Variants in NEK1 observed in about 807,000 individuals in gnomAD.
NEK1 encodes serine/threonine-protein kinase Nek1.
NEK1 carries 137 observed loss-of-function variants against 182.1 expected under a neutral mutation model. The ratio of observed to expected loss-of-function variants is 0.75; its 90% CI spans 0.65 to 0.87. The LOEUF (loss-of-function observed/expected upper bound fraction) is 0.87. NEK1 is among the 40% of genes least tolerant of loss of function. The pLI is 0.00. For synonymous variants in NEK1, 513 were observed against 492.2 expected (o/e 1.04, Z -0.56); for missense variants, 1,391 against 1,494.4 (o/e 0.93, Z 1.14).
chr4:169,543,809 T>C (rs1759887344), intron 18 of NEK1, among the ~76,000 whole-genome samples: 1 of 152,248 alleles, frequency 6.6e-6, no homozygotes, highest in Admixed American at 6.5e-5. Context: ...ATAGGGATGC[T>C]TGTGATTTTT....
intron 23 of NEK1, among the ~76,000 whole-genome samples, chr4:169,484,663 G>A (rs1580096332): frequency 6.6e-6 from 1 of 152,212 alleles, no homozygotes; most frequent in Admixed American, 6.5e-5. Flanking sequence ...GGGCACCAGT[G>A]AGAACAGCCT....
rs753881487 is a variant in NEK1 at position 169,610,321 on chromosome 4, TC to T, written c.-49+1698del. ...CTGACCCAGAATTTCTTTCTTTTTT[TC>T]TTTTTTCTTTGAGACAAGCCTCACT... On this transcript the variant is annotated intron_variant, in intron 2 of 35. Transcript: ENST00000507142. 1.3e-3 allele frequency among the ~76,000 whole-genome samples: 203 copies of T among 150,500 alleles called. 2 individuals are homozygous for T. The highest frequency in any genetic ancestry group is 4.3e-3 in the African/African-American group (175 of 40,410).
chr4:169,434,843 A>G (rs1738106024), intron 28 of NEK1, among the ~76,000 whole-genome samples: 1 of 152,184 alleles, frequency 6.6e-6, no homozygotes, highest in East Asian at 1.9e-4. Context: ...ACTTGGGGGC[A>G]AAATCCTTTT....
chr4:169,486,928 T>G (rs552688605), intron 23 of NEK1, among the ~76,000 whole-genome samples: 4 of 152,172 alleles, frequency 2.6e-5, no homozygotes, highest in Non-Finnish European at 5.9e-5. Context: ...TTTAAAAAAC[T>G]GAATCGATCT....
At chr4:169,395,783 C>T (rs561799406) in intron 35 of NEK1, among the ~76,000 whole-genome samples, 2 of 152,248 alleles carry the variant, frequency 1.3e-5, no homozygotes, top group Non-Finnish European at 2.9e-5. Flanking sequence ...TTCCTTTCTT[C>T]CCCAGGGGCA....
intron 18 of NEK1, among the ~76,000 whole-genome samples, chr4:169,541,444 G>T (rs1156722505): frequency 2.6e-5 from 4 of 152,104 alleles, no homozygotes; most frequent in African/African-American, 9.7e-5. Flanking sequence ...ATAAGCAAAG[G>T]TAGACTGGTC....
rs538727875 is a variant in NEK1, at chr4:169,469,996, C to T, written c.2435-6601G>A. On this transcript the variant is annotated intron_variant, in intron 26 of 35. Transcript: ENST00000507142. Reference sequence around the variant, plus strand: ...ATTTGCTTGGTAAATATTCCTCCATCGCTTTATTTTGAGCCTATGTGTGTC... The same window carrying T: ...ATTTGCTTGGTAAATATTCCTCCATTGCTTTATTTTGAGCCTATGTGTGTC... Among the ~76,000 whole-genome samples the T allele has an allele frequency of 5.6e-5, 8 of 144,144 alleles. No homozygotes were observed. In the South Asian group the frequency reaches 9.0e-4, roughly 16 times the overall value. The allele number at this position is 144,144 out of a possible 152,430, so 94.6% of individuals were successfully genotyped here.
chr4:169,492,547 T>C (rs1437385886), intron 23 of NEK1, among the ~76,000 whole-genome samples: 2 of 152,070 alleles, frequency 1.3e-5, no homozygotes, highest in Non-Finnish European at 2.9e-5. Context: ...TCGGTGGCGA[T>C]TAGAGGACTT....
At chr4:169,402,445 G>A (rs1274522976) in intron 32 of NEK1, among the ~76,000 whole-genome samples, 1 of 152,172 alleles carries the variant, frequency 6.6e-6, no homozygotes, top group East Asian at 1.9e-4. Flanking sequence ...ATCTTTAGAT[G>A]CTTATTCTTA....
rs1329549396 is a variant in NEK1, at chr4:169,393,638, A to C, written c.*872T>G. On this transcript the variant is annotated 3_prime_UTR_variant, in exon 36 of 36. Transcript: ENST00000507142. ...CAAACATTTCCCTCCCTAGGATCCTAGTTACCAAAACTGTCACAGTGTCAA... is the reference window on the plus strand; with the variant it reads ...CAAACATTTCCCTCCCTAGGATCCTCGTTACCAAAACTGTCACAGTGTCAA... 6.6e-6 allele frequency: 1 copy of C among 152,184 alleles called. No individual in the cohort carries two copies. The highest frequency in any genetic ancestry group is 1.5e-5 in the Non-Finnish European group (1 of 68,018). 9.4% of individuals were successfully genotyped at this position (152,184 alleles called of 1,614,324 possible).
intron 31 of NEK1, among the ~76,000 whole-genome samples, chr4:169,413,392 C>G (rs1015352845): frequency 6.6e-6 from 1 of 152,038 alleles, no homozygotes; most frequent in Non-Finnish European, 1.5e-5. Context: ...AGGCTGCTCT[C>G]AAACTCCTGG....
At chr4:169,531,814 T>C (rs1427792868) in intron 19 of NEK1, among the ~76,000 whole-genome samples, 1 of 152,174 alleles carries the variant, frequency 6.6e-6, no homozygotes, top group Non-Finnish European at 1.5e-5. Flanking sequence ...TATAGGTATG[T>C]ATATAAATAA....
At chr4:169,602,130 G>A (rs1237883526) in intron 3 of NEK1, 26 bp from the exon 4 acceptor site, 1 of 1,512,030 alleles carries the variant, frequency 6.6e-7, no homozygotes, top group Non-Finnish European at 9.2e-7. Context: ...AAAGAAAATA[G>A]TAAATGAAAC....
chr4:169,570,374 C>T (rs559458830), intron 12 of NEK1, among the ~76,000 whole-genome samples: 169 of 151,244 alleles, frequency 1.1e-3, no homozygotes, highest in African/African-American at 3.5e-3. Context: ...GGTCAGCCCC[C>T]GCCAGGCCAG....
chr4:169,586,670 C>A (rs547950794), intron 9 of NEK1, among the ~76,000 whole-genome samples: 1 of 151,826 alleles, frequency 6.6e-6, no homozygotes, highest in African/African-American at 2.4e-5. Flanking sequence ...CATCTGATAA[C>A]CACCATCCCA....
At position 169,473,819 on chromosome 4, in the gene NEK1, G is replaced by A. The variant is rs534938162; in HGVS notation, c.2434+3305C>T. ...GAAGAGTGTGTATGTGTGAGCACAC[G>A]TGCGTGTGGGTATGGACAATAATCC... On this transcript the variant is annotated intron_variant, in intron 26 of 35. Coordinates refer to ENST00000507142, the MANE Select transcript of NEK1 (RefSeq NM_001199397.3). Among the ~76,000 whole-genome samples the A allele has an allele frequency of 9.9e-5, 15 of 152,284 alleles. No individual in the cohort carries two copies. The South Asian group carries it at 2.9e-3, about 29-fold the overall frequency.
intron 18 of NEK1, among the ~76,000 whole-genome samples, chr4:169,547,739 A>G: frequency 6.6e-6 from 1 of 152,104 alleles, no homozygotes; most frequent in Non-Finnish European, 1.5e-5. Context: ...AATCTCTGAT[A>G]TCCTTTTCCA....
chr4:169,564,045 T>G (rs1443158535), intron 12 of NEK1, among the ~76,000 whole-genome samples: 1 of 152,192 alleles, frequency 6.6e-6, no homozygotes, highest in East Asian at 1.9e-4. Context: ...TCTACAGTTT[T>G]GTTTTACCCT....
chr4:169,603,544 G>C (rs1337704155), intron 2 of NEK1, among the ~76,000 whole-genome samples: 2 of 152,150 alleles, frequency 1.3e-5, no homozygotes, highest in Non-Finnish European at 2.9e-5. Context: ...ATTAGTTAAT[G>C]TAAGAATGTA....
Sources: gnomAD v4.1 joint callset for allele counts (sites outside exome capture counted in the v4.1 genomes callset) on GRCh38, gnomAD v4.1.1 for gene constraint, MANE v1.5 for transcripts, NCBI Gene and HGNC (gene_info 2026-07-23, HGNC 2026-07-21) for gene names.